The following SI variants were observed in gnomAD, a reference collection of about 807,000 sequenced individuals.
The protein encoded by SI is sucrase-isomaltase.
In SI, 235 loss-of-function variants were observed where a neutral mutation model predicts 253.3. That is an observed-to-expected ratio of 0.93 (90% CI 0.83 to 1.03). The LOEUF (loss-of-function observed/expected upper bound fraction) is 1.03. SI is among the 50% of genes least tolerant of loss of function. The pLI, the probability that SI is intolerant of heterozygous loss-of-function variation, is 0.00. For synonymous variants in SI, 819 were observed against 712.0 expected (o/e 1.15, Z -2.39); for missense variants, 2,442 against 2,211.1 (o/e 1.10, Z -2.09).
chr3:165,026,582 G>T (rs996715631), intron 25 of SI, among the ~76,000 whole-genome samples: 2 of 149,394 alleles, frequency 1.3e-5, no homozygotes, highest in African/African-American at 4.9e-5. Flanking sequence ...GTATGATAGG[G>T]CACAATAAAT....
rs771580575 is a variant in SI, at chr3:165,075,954, A to T, written c.59T>A (p.Val20Asp). Residue 20 changes from valine (V) to aspartate (D), a missense_variant, in exon 2 of 48, where the codon GTT becomes GAT. Physicochemically the swap from Val to Asp is radical, Grantham distance 152. Transcript: ENST00000264382. ...AATTAAGGCAATAGCTATTATAGTA[A>T]CTATGACAAAAAGGACAATCAGAGA... ...EISLIVLFVI[V>D]TIIAIALIVV... is the part of the protein sequence containing the mutation. 66 of 1,599,260 alleles carry T rather than the reference A, an allele frequency of 4.1e-5. No homozygotes were observed. Among genetic ancestry groups the T allele is most frequent in the Non-Finnish European group, 5.5e-5 (64 of 1,169,618 alleles).
chr3:165,067,885 G>T (rs935511135), intron 5 of SI, among the ~76,000 whole-genome samples: 6 of 151,634 alleles, frequency 4.0e-5, no homozygotes, highest in African/African-American at 1.4e-4. Flanking sequence ...ATAAAGATAA[G>T]AAATTTTGTT....
Position 165,069,204 on chromosome 3 carries a change from A to G in SI, c.256-9T>C, listed in dbSNP as rs770027227. The G allele has an allele frequency of 1.0e-5, 16 of 1,550,528 alleles. No individual in the cohort carries two copies. In the East Asian group the frequency reaches 3.6e-4, roughly 35 times the overall value. On this transcript the variant is annotated splice_polypyrimidine_tract_variant and intron_variant, in intron 3 of 47. Coordinates refer to ENST00000264382, the MANE Select transcript of SI (RefSeq NM_001041.4). The stretch of plus-strand genomic sequence containing the variant: ...CTCTGTGCACAAATTCCCTGATAAA[A>G]TATTTTTAAAGGAATTATATAATTA...
At chr3:165,039,049 G>C (rs763485603) in intron 20 of SI, 29 bp downstream of exon 20, 1 of 1,412,046 alleles carries the variant, frequency 7.1e-7, no homozygotes, top group Non-Finnish European at 1.0e-6. Flanking sequence ...TAATACTTGT[G>C]AGTCCATTAG....
chr3:165,030,673 G>A, intron 25 of SI, 39 bp downstream of exon 25: 1 of 1,588,070 alleles, frequency 6.3e-7, no homozygotes. Flanking sequence ...ATGCTTATGT[G>A]ATAACCATAT....
At chr3:165,074,694 TA>T (rs1560021763) in intron 2 of SI, 27 bp from the exon 3 acceptor site, 5 of 1,574,364 alleles carry the variant, frequency 3.2e-6, no homozygotes, top group Non-Finnish European at 4.4e-6. Context: ...CTCAATAAAA[TA>T]AAACATGACA....
chr3:165,008,867 A>G (rs1401485669), intron 35 of SI, among the ~76,000 whole-genome samples: 1 of 151,874 alleles, frequency 6.6e-6, no homozygotes, highest in Non-Finnish European at 1.5e-5. Flanking sequence ...TAAAAATCTT[A>G]CTACTAACAT....
chr3:165,016,036 G>A lies in SI; in HGVS notation c.3804C>T (p.Asp1268=), dbSNP rs1211846152. ...TDIDYMERQL[D]FTIGEAFQDL... ...CCTGGAATGCTTCACCAATTGTAAA[G>A]TCTAGCTGCCTTTCCATGTAGTCAA... Residue 1268 remains aspartate, a synonymous_variant, in exon 32 of 48, where the codon GAC becomes GAT. Coordinates refer to ENST00000264382, the MANE Select transcript of SI (RefSeq NM_001041.4). The A allele has an allele frequency of 1.2e-6, 2 of 1,612,846 alleles. No individual in the cohort carries two copies. Among genetic ancestry groups the A allele is most frequent in the Non-Finnish European group, 1.7e-6 (2 of 1,179,060 alleles).
At position 164,979,192 on chromosome 3, in the gene SI, T is replaced by C; in HGVS notation, c.*170A>G. 1.7e-6 allele frequency: 1 copy of C among 604,706 alleles called. No individual in the cohort carries two copies. The highest frequency in any genetic ancestry group is 3.0e-6 in the Non-Finnish European group (1 of 335,338). 37.5% of individuals were successfully genotyped at this position (604,706 alleles called of 1,614,324 possible). A position where few individuals can be genotyped will look rare whatever the true frequency, so the allele number is the denominator to read the frequency against. Reference sequence around the variant, plus strand: ...TAAAATTGAATCCAAGTCACATTACTATAATAAAATTAGCATTATCATTGA... The same window carrying C: ...TAAAATTGAATCCAAGTCACATTACCATAATAAAATTAGCATTATCATTGA... On this transcript the variant is annotated 3_prime_UTR_variant, in exon 48 of 48. Transcript: ENST00000264382.
chr3:165,049,174 A>G lies in SI; in HGVS notation c.1668T>C (p.Tyr556=). Residue 556 remains tyrosine, a synonymous_variant, in exon 15 of 48, where the codon TAT becomes TAC. Coordinates refer to ENST00000264382, the MANE Select transcript of SI (RefSeq NM_001041.4). ...MDAVQNWGKQ[Y]DVHSLYGYSM... The stretch of plus-strand genomic sequence containing the variant: ...TGTATCCATAGAGGCTATGAACATC[A>G]TACTGTTTACCCCAGTTCTGCACAG... The G allele has an allele frequency of 1.2e-6, 2 of 1,612,444 alleles. No homozygotes were observed. The highest frequency in any genetic ancestry group is 1.1e-5 in the South Asian group (1 of 91,048).
At chr3:165,055,693 A>G (rs930636328) in intron 12 of SI, among the ~76,000 whole-genome samples, 1 of 152,084 alleles carries the variant, frequency 6.6e-6, no homozygotes, top group African/African-American at 2.4e-5. Context: ...TATGCCTCCA[A>G]GCAATTTTAA....
chr3:165,060,014 G>A lies in SI; in HGVS notation c.1034C>T (p.Pro345Leu), dbSNP rs1353943703. ...AAGATTCCAATATGCTGGCATTGCT[G>A]GTAGTCCAACAAGCTTAAAGTAAAT... is the stretch of plus-strand genomic sequence containing the variant. ...VQQYQQLVGL[P>L]AMPAYWNLGF... Residue 345 changes from proline to leucine, a missense_variant, in exon 10 of 48, where the codon CCA becomes CTA. Transcript: ENST00000264382. 12 of 1,611,346 alleles carry A rather than the reference G, an allele frequency of 7.4e-6. No homozygotes were observed. The highest frequency in any genetic ancestry group is 1.3e-5 in the African/African-American group (1 of 74,748).
chr3:165,030,782 A>T lies in SI; in HGVS notation c.2822T>A (p.Phe941Tyr). The T allele has an allele frequency of 6.2e-7, 1 of 1,608,696 alleles. No individual in the cohort carries two copies. The highest frequency in any genetic ancestry group is 8.5e-7 in the Non-Finnish European group (1 of 1,176,778). ...CAAATCTGCATCTGGATAACAATTA[A>T]ATCTTTCATTTTCTGAGAAAATTTG... ...WNQIFSENER[F>Y]NCYPDADLAT... The change falls in exon 25 of 48, where the codon TTT becomes TAT. Residue 941 changes from phenylalanine (F) to tyrosine (Y), a missense_variant. By Grantham distance (22) the Phe-to-Tyr change is conservative (BLOSUM62 3). Transcript: ENST00000264382.
Position 165,049,211 on chromosome 3 carries a change from A to C in SI, c.1631T>G (p.Ile544Ser). ...CCAGTTCTGCACAGCATCCATGCAA[A>C]TTGTTTTGGAATACATGAGTTTGTC... ...ILDKLMYSKT[I>S]CMDAVQNWGK... The change falls in exon 15 of 48, where the codon ATT becomes AGT. Residue 544 changes from isoleucine to serine, a missense_variant. By Grantham distance (142) the Ile-to-Ser change is moderately radical. Transcript: ENST00000264382. 1.2e-6 allele frequency: 2 copies of C among 1,610,482 alleles called. No homozygotes were observed. Among genetic ancestry groups the C allele is most frequent in the Non-Finnish European group, 1.7e-6 (2 of 1,177,254 alleles).
chr3:165,015,968 C>A lies in SI; in HGVS notation c.3872G>T (p.Arg1291Ile). Residue 1291 changes from arginine to isoleucine, a missense_variant, in exon 32 of 48, where the codon AGA becomes ATA. Transcript: ENST00000264382. ...FVDKIRGEGM[R>I]YIIILDPAIS... is the part of the protein sequence containing the mutation. ...AGTACTGACCAGGATAATAATGTAT[C>A]TCATTCCTTCTCCTCTTATTTTGTC... 1 of 1,610,306 alleles carries A rather than the reference C, an allele frequency of 6.2e-7. No individual in the cohort carries two copies. The highest frequency in any genetic ancestry group is 8.5e-7 in the Non-Finnish European group (1 of 1,176,734).
rs1396590417 is a variant in SI, at chr3:165,078,438, T to G, written c.-6A>C. 5 of 152,142 alleles carry G rather than the reference T, an allele frequency of 3.3e-5. No homozygotes were observed. The East Asian group carries it at 9.7e-4, about 29-fold the overall frequency. The allele number at this position is 152,142 out of a possible 1,614,324, so 9.4% of individuals were successfully genotyped here. A position where few individuals can be genotyped will look rare whatever the true frequency, so the allele number is the denominator to read the frequency against. On this transcript the variant is annotated 5_prime_UTR_variant, in exon 1 of 48. Transcript: ENST00000264382. The stretch of plus-strand genomic sequence containing the variant: ...CATATGAGCCATAGACTTACCTTAT[T>G]TCATAGCCTGTTCTCTTTGCTATGT...
chr3:165,082,295 C>T (rs779719768), upstream of SI, among the ~76,000 whole-genome samples: 10 of 151,844 alleles, frequency 6.6e-5, no homozygotes, highest in Admixed American at 2.6e-4. Context: ...GTGTCTCATA[C>T]GTAATTCTAT....
intron 44 of SI, 118 bp downstream of exon 44, chr3:164,991,235 G>C (rs1035535144): frequency 8.6e-5 from 93 of 1,085,388 alleles, no homozygotes; most frequent in South Asian, 1.8e-4. Context: ...ATGTTACTGA[G>C]GCAGGCTAAT....
intron 40 of SI, among the ~76,000 whole-genome samples, chr3:164,995,545 C>T (rs1717972829): frequency 6.6e-6 from 1 of 151,630 alleles, no homozygotes; most frequent in Admixed American, 6.6e-5. Context: ...TTTAGAAATA[C>T]TTCCTCAGTC....
Sources: allele counts gnomAD v4.1 joint callset (sites outside exome capture counted in the v4.1 genomes callset), GRCh38; gene constraint gnomAD v4.1.1; transcripts MANE v1.5; gene names NCBI Gene and HGNC (gene_info 2026-07-23, HGNC 2026-07-21).